ROBO2: variants seen among roughly 807,000 people sequenced by gnomAD.
ROBO2 encodes the protein roundabout guidance receptor 2, also known as roundabout homolog 2.
ROBO2 carries 53 observed loss-of-function variants against 160.8 expected under a neutral mutation model. The observed-to-expected ratio is 0.33, with a 90% confidence interval of 0.26 to 0.41. The LOEUF (loss-of-function observed/expected upper bound fraction) is 0.41, where lower values mean the gene tolerates loss of function less well. Ranked by LOEUF, ROBO2 falls within the 10% of genes least tolerant of loss-of-function variation. ROBO2 has a pLI of 1.00. For missense variants in ROBO2, 1,577 were observed against 1,722.4 expected, an observed-to-expected ratio of 0.92 and a Z score of 1.49; for synonymous variants, 664 against 611.7, an observed-to-expected ratio of 1.09 and a Z score of -1.26.
exon 26 of ROBO2, chr3:77,646,432 T>C: frequency 5.4e-6 from 1 of 183,546 alleles, no homozygotes; most frequent in Admixed American, 6.1e-5. Flanking sequence ...TGTGAATTAA[T>C]AGGCTGTGGT....
chr3:77,007,052 A>G (rs978293424), intron 2 of ROBO2, among the ~76,000 whole-genome samples: 3 of 152,146 alleles, frequency 2.0e-5, no homozygotes, highest in African/African-American at 7.2e-5. Flanking sequence ...GGAGCCACAC[A>G]TTCTTTAACC....
At chr3:76,229,453 A>G (rs1046200245) in intron 2 of ROBO2, among the ~76,000 whole-genome samples, 19 of 152,302 alleles carry the variant, frequency 1.2e-4, no homozygotes, top group African/African-American at 3.1e-4. Context: ...ATCATTTTAC[A>G]TCATTCCTTT....
At chr3:76,107,298 G>A (rs1187268335) in intron 2 of ROBO2, among the ~76,000 whole-genome samples, 1 of 151,998 alleles carries the variant, frequency 6.6e-6, no homozygotes, top group African/African-American at 2.4e-5. Context: ...TATGAGCCTG[G>A]GTGTCCAAAC....
chr3:76,561,037 GCTCT>G (rs541719423), intron 2 of ROBO2, among the ~76,000 whole-genome samples: 110 of 146,574 alleles, frequency 7.5e-4, no homozygotes, highest in African/African-American at 2.6e-3. Context: ...TGATAGTCAA[GCTCT>G]CTCTATATAT....
chr3:76,406,860 G>A (rs79294421), intron 2 of ROBO2, among the ~76,000 whole-genome samples: 6,822 of 151,844 alleles, frequency 0.045, 381 homozygotes, highest in African/African-American at 0.13. Context: ...AGTCAAGAAT[G>A]ATTTTCTTTG....
At chr3:77,531,270 T>G (rs1004846142) in intron 6 of ROBO2, among the ~76,000 whole-genome samples, 1 of 152,064 alleles carries the variant, frequency 6.6e-6, no homozygotes, top group Non-Finnish European at 1.5e-5. Flanking sequence ...TTCCTTTTGA[T>G]GGAAGAATGT....
Position 76,956,328 on chromosome 3 carries a change from C to T in ROBO2, c.110-141686C>T, listed in dbSNP as rs968502844. Among the ~76,000 whole-genome samples the T allele has an allele frequency of 7.9e-5, 12 of 152,030 alleles. No homozygotes were observed. In the East Asian group the frequency reaches 1.4e-3, roughly 17 times the overall value. ...ATCCCAGCACTTTGGGAGGCCGAGG[C>T]GGGTGGATCACGAGGTCAGGAGATT... is the stretch of plus-strand genomic sequence containing the variant. On this transcript the variant is annotated intron_variant, in intron 2 of 26. Transcript: ENST00000487694.
At chr3:77,462,565 C>T (rs181695066) in intron 2 of ROBO2, among the ~76,000 whole-genome samples, 5 of 152,258 alleles carry the variant, frequency 3.3e-5, no homozygotes, top group South Asian at 2.1e-4. Context: ...ATACTCTCTT[C>T]GCAACTCTTT....
At chr3:76,467,411 T>A (rs1038025241) in intron 2 of ROBO2, among the ~76,000 whole-genome samples, 1 of 152,132 alleles carries the variant, frequency 6.6e-6, no homozygotes, top group African/African-American at 2.4e-5. Flanking sequence ...ACATGTGAAG[T>A]AATAAAATAC....
chr3:76,497,496 A>G (rs554866313), intron 2 of ROBO2, among the ~76,000 whole-genome samples: 4 of 152,322 alleles, frequency 2.6e-5, no homozygotes, highest in Middle Eastern at 3.4e-3. Context: ...ACACTGGGCA[A>G]TGTCCCATTT....
At chr3:77,223,114 T>G (rs1205220678) in intron 2 of ROBO2, among the ~76,000 whole-genome samples, 1 of 152,172 alleles carries the variant, frequency 6.6e-6, no homozygotes, top group Non-Finnish European at 1.5e-5. Flanking sequence ...TACAGAAGCT[T>G]AAAGTTTAGC....
At chr3:77,326,370 T>G (rs6548498) in intron 2 of ROBO2, among the ~76,000 whole-genome samples, 142,378 of 152,226 alleles carry the variant, frequency 0.94, 67,158 homozygotes, top group East Asian at 1. Context: ...ATGAATTGTA[T>G]CTCAGTTTAC....
At chr3:77,613,878 C>T (rs1201434146) in intron 21 of ROBO2, among the ~76,000 whole-genome samples, 2 of 152,062 alleles carry the variant, frequency 1.3e-5, no homozygotes, top group Non-Finnish European at 2.9e-5. Flanking sequence ...AAGAAATGTA[C>T]ATCAAGGAAA....
intron 2 of ROBO2, among the ~76,000 whole-genome samples, chr3:76,977,539 A>C (rs2149310627): frequency 6.6e-6 from 1 of 152,296 alleles, no homozygotes; most frequent in East Asian, 1.9e-4. Flanking sequence ...GTACAGGAAT[A>C]ACTTGGTTGA....
chr3:76,861,944 T>A (rs185150399), intron 2 of ROBO2, among the ~76,000 whole-genome samples: 12 of 152,282 alleles, frequency 7.9e-5, no homozygotes, highest in Admixed American at 7.8e-4. Context: ...TTTTATTTTA[T>A]ATATTCTCAG....
At chr3:76,225,100 CATTTT>C in intron 2 of ROBO2, among the ~76,000 whole-genome samples, 1 of 152,128 alleles carries the variant, frequency 6.6e-6, no homozygotes, top group Non-Finnish European at 1.5e-5. Context: ...TTTTCTGAGT[CATTTT>C]AATTTAAATA....
At chr3:75,970,488 A>G (rs2064961914) in intron 2 of ROBO2, among the ~76,000 whole-genome samples, 1 of 151,554 alleles carries the variant, frequency 6.6e-6, no homozygotes, top group African/African-American at 2.4e-5. Flanking sequence ...GGTTAATTCC[A>G]GATAAAATGA....
chr3:76,733,842 A>G (rs925847114), intron 2 of ROBO2, among the ~76,000 whole-genome samples: 3 of 152,140 alleles, frequency 2.0e-5, no homozygotes, highest in Non-Finnish European at 4.4e-5. Flanking sequence ...TATTTCTTAT[A>G]GTTCTGGAGG....
chr3:76,370,708 A>C (rs2076058978), intron 2 of ROBO2, among the ~76,000 whole-genome samples: 1 of 151,900 alleles, frequency 6.6e-6, no homozygotes, highest in East Asian at 1.9e-4. Flanking sequence ...AAAATGATCA[A>C]AATAATTGCA....
Sources: allele counts gnomAD v4.1 joint callset (sites outside exome capture counted in the v4.1 genomes callset), GRCh38; gene constraint gnomAD v4.1.1; transcripts MANE v1.5; gene names NCBI Gene and HGNC (gene_info 2026-07-23, HGNC 2026-07-21).